The following PTPRZ1 variants were observed in gnomAD, a reference collection of about 807,000 sequenced individuals.
PTPRZ1 encodes the protein receptor-type tyrosine-protein phosphatase zeta.
Under a neutral mutation model 214.1 loss-of-function variants are expected in PTPRZ1, and 82 were observed. The ratio of observed to expected loss-of-function variants is 0.38; its 90% CI spans 0.32 to 0.46. PTPRZ1 has a LOEUF of 0.46. Among genes scored for constraint, PTPRZ1 ranks in the 20% least tolerant of loss-of-function variants. PTPRZ1 has a pLI of 1.00. For synonymous variants in PTPRZ1, 945 were observed against 987.9 expected, an observed-to-expected ratio of 0.96 and a Z score of 0.81; for missense variants, 2,603 against 2,748.7, an observed-to-expected ratio of 0.95 and a Z score of 1.19.
intron 1 of PTPRZ1, among the ~76,000 whole-genome samples, chr7:121,913,349 C>T (rs562538232): frequency 7.9e-5 from 12 of 152,248 alleles, no homozygotes; most frequent in African/African-American, 2.4e-4. Context: ...AATATTCATC[C>T]GCTCAGCTCT....
At chr7:121,989,617 G>T (rs1430911812) in intron 8 of PTPRZ1, among the ~76,000 whole-genome samples, 1 of 151,964 alleles carries the variant, frequency 6.6e-6, no homozygotes, top group Non-Finnish European at 1.5e-5. Flanking sequence ...CAGGTGATCC[G>T]CCCACCTCGG....
chr7:122,051,997 GA>G lies in PTPRZ1; in HGVS notation c.6252+60del, dbSNP rs1584780483. ...GCTTGTGTTACAGGGATCAAAACCA[GA>G]ATGGGCTGCCAGAAGCAAAGACTAC... On this transcript the variant is annotated intron_variant, in intron 25 of 29. Transcript: ENST00000393386. 17 of 1,405,464 alleles carry G rather than the reference GA, an allele frequency of 1.2e-5. No homozygotes were observed. In the East Asian group the frequency reaches 4.1e-4, roughly 34 times the overall value. 87.1% of individuals were successfully genotyped at this position (1,405,464 alleles called of 1,614,324 possible). A position where few individuals can be genotyped will look rare whatever the true frequency, so the allele number is the denominator to read the frequency against.
chr7:121,939,709 C>G (rs1796186791), intron 2 of PTPRZ1, among the ~76,000 whole-genome samples: 1 of 152,126 alleles, frequency 6.6e-6, no homozygotes, highest in South Asian at 2.1e-4. Flanking sequence ...TTAATCAATA[C>G]TCATTGGATT....
In PTPRZ1 at chr7:122,011,081, A is replaced by C; in HGVS notation, c.2035A>C (p.Thr679Pro). ...AGAGAGCTTTCTCCAGACTAATTAC[A>C]CTGAGATACGTGTTGATGAATCTGA... ...GRESFLQTNY[T>P]EIRVDESEKT... Residue 679 changes from threonine (T) to proline (P), a missense_variant, in exon 12 of 30, where the codon ACT becomes CCT. Thr to Pro is a conservative substitution (Grantham distance 38). This residue lies in a region of PTPRZ1 where 1,913 missense variants were observed against 1,914.3 expected (regional missense o/e 1.00). Coordinates refer to ENST00000393386, the MANE Select transcript of PTPRZ1 (RefSeq NM_002851.3). The C allele has an allele frequency of 1.9e-6, 3 of 1,614,094 alleles. No individual in the cohort carries two copies. Among genetic ancestry groups the C allele is most frequent in the Non-Finnish European group, 2.5e-6 (3 of 1,180,002 alleles).
At position 121,986,400 on chromosome 7, in the gene PTPRZ1, T is replaced by G. The variant is rs920704748; in HGVS notation, c.928+2283T>G. On this transcript the variant is annotated intron_variant, in intron 8 of 29. Transcript: ENST00000393386. ...ATTTATACAGGAACATAATTTCTGC[T>G]TACATAAAAAACTGATGACTTTAAA... 1.7e-4 allele frequency among the ~76,000 whole-genome samples: 26 copies of G among 152,186 alleles called. No homozygotes were observed. The South Asian group carries it at 1.9e-3, about 11-fold the overall frequency.
chr7:122,043,118 G>C (rs1051959175), intron 22 of PTPRZ1, among the ~76,000 whole-genome samples: 1 of 152,148 alleles, frequency 6.6e-6, no homozygotes, highest in Non-Finnish European at 1.5e-5. Context: ...GATTACATCT[G>C]TAACAAACTT....
intron 8 of PTPRZ1, among the ~76,000 whole-genome samples, chr7:121,991,832 A>T (rs1394171604): frequency 6.6e-6 from 1 of 152,198 alleles, no homozygotes; most frequent in Non-Finnish European, 1.5e-5. Context: ...TTCCAATTAC[A>T]TTCAGCATTT....
chr7:122,039,406 C>CTGATTTCAGGGA, intron 19 of PTPRZ1, 48 bp from the exon 20 acceptor site: 1 of 1,594,962 alleles, frequency 6.3e-7, no homozygotes, highest in Non-Finnish European at 8.5e-7. Flanking sequence ...ATGACTTTTA[C>CTGATTTCAGGGA]ATGGAGCATT....
chr7:121,978,715 T>C (rs1173721600), intron 6 of PTPRZ1, among the ~76,000 whole-genome samples: 1 of 152,198 alleles, frequency 6.6e-6, no homozygotes, highest in Non-Finnish European at 1.5e-5. Context: ...CCACTATTTG[T>C]GCACCAACTT....
At chr7:121,884,537 A>G (rs1439044921) in intron 1 of PTPRZ1, among the ~76,000 whole-genome samples, 2 of 152,156 alleles carry the variant, frequency 1.3e-5, no homozygotes, top group Non-Finnish European at 1.5e-5. Context: ...CCTGCCTCCA[A>G]CATAAAGGAC....
chr7:121,916,223 G>A (rs1795421470), intron 1 of PTPRZ1, among the ~76,000 whole-genome samples: 1 of 147,206 alleles, frequency 6.8e-6, no homozygotes, highest in Non-Finnish European at 1.5e-5. Flanking sequence ...GCAGTGAGCC[G>A]AGATCGTGCC....
chr7:121,963,236 A>AT (rs1796933894), intron 2 of PTPRZ1, among the ~76,000 whole-genome samples: 1 of 152,174 alleles, frequency 6.6e-6, no homozygotes, highest in South Asian at 2.1e-4. Context: ...GGATAAAGAT[A>AT]TTTTGAAAGT....
At chr7:121,997,837 T>C in intron 9 of PTPRZ1, 43 bp from the exon 10 acceptor site, 1 of 1,559,746 alleles carries the variant, frequency 6.4e-7, no homozygotes, top group Non-Finnish European at 8.8e-7. Flanking sequence ...TTGGTAGTCC[T>C]ATGAGAATAA....
In PTPRZ1 at chr7:122,012,133, T is replaced by C; in HGVS notation, c.3087T>C (p.Tyr1029=). 6.2e-7 allele frequency: 1 copy of C among 1,613,892 alleles called. No homozygotes were observed. The highest frequency in any genetic ancestry group is 8.5e-7 in the Non-Finnish European group (1 of 1,179,746). ...CTGTTTCTGTAGCTGAATTTACATA[T>C]ACAACATCTGTGTTTGGTGATGATA... The part of the protein sequence containing the change: ...SSPVSVAEFT[Y]TTSVFGDDNK... The change falls in exon 12 of 30, where the codon TAT becomes TAC. Residue 1029 remains tyrosine, a synonymous_variant. Transcript: ENST00000393386.
chr7:122,002,094 C>T (rs1798344098), intron 10 of PTPRZ1, among the ~76,000 whole-genome samples: 1 of 152,114 alleles, frequency 6.6e-6, no homozygotes, highest in Non-Finnish European at 1.5e-5. Flanking sequence ...ATGTTGAATT[C>T]ACAGTTCCAG....
Position 122,057,436 on chromosome 7 carries a change from CA to C in PTPRZ1, c.6529-1363del, listed in dbSNP as rs537789649. On this transcript the variant is annotated intron_variant, in intron 27 of 29. Coordinates refer to ENST00000393386, the MANE Select transcript of PTPRZ1 (RefSeq NM_002851.3). ...TTTATACATATTATTTTTACATAAA[CA>C]TATTTTTATATAAATTAATTGACCA... is the stretch of plus-strand genomic sequence containing the variant. Among the ~76,000 whole-genome samples the C allele has an allele frequency of 2.0e-3, 309 of 151,714 alleles. 1 individual carries two copies. Among genetic ancestry groups the C allele is most frequent in the Non-Finnish European group, 3.4e-3 (231 of 67,774 alleles).
intron 6 of PTPRZ1, among the ~76,000 whole-genome samples, chr7:121,979,642 T>C (rs1156625689): frequency 1.3e-5 from 2 of 152,200 alleles, no homozygotes; most frequent in Non-Finnish European, 2.9e-5. Flanking sequence ...CCATTAGCCT[T>C]CTCATGGACG....
intron 25 of PTPRZ1, among the ~76,000 whole-genome samples, 189 bp from the exon 26 acceptor site, chr7:122,053,720 AC>A (rs913115234): frequency 7.2e-5 from 11 of 152,188 alleles, no homozygotes; most frequent in African/African-American, 2.7e-4. Flanking sequence ...AGAAAAAAAA[AC>A]ACATAGTGTC....
chr7:121,993,567 T>C (rs1393019530), intron 8 of PTPRZ1, among the ~76,000 whole-genome samples: 1 of 101,228 alleles, frequency 9.9e-6, no homozygotes, highest in African/African-American at 3.7e-5. Flanking sequence ...AGAGCGAGAC[T>C]GTCTCAAAAA....
Sources: allele counts gnomAD v4.1 joint callset (sites outside exome capture counted in the v4.1 genomes callset), GRCh38; gene constraint gnomAD v4.1.1; regional missense constraint gnomAD v4.1.1; transcripts MANE v1.5; gene names NCBI Gene and HGNC (gene_info 2026-07-23, HGNC 2026-07-21).